USH2A: variants seen among roughly 807,000 people sequenced by gnomAD.
USH2A encodes the protein usherin, also known as Usher syndrome 2A (autosomal recessive, mild).
Under a neutral mutation model 538.9 loss-of-function variants are expected in USH2A, and 443 were observed. The ratio of observed to expected loss-of-function variants is 0.82; its 90% confidence interval spans 0.76 to 0.89. The LOEUF (loss-of-function observed/expected upper bound fraction) is 0.89, where lower values mean the gene tolerates loss of function less well. Ranked by LOEUF, USH2A falls within the 40% of genes least tolerant of loss-of-function variation. The probability of loss-of-function intolerance (pLI) is 0.00; values close to 1 mark genes in which losing one functional copy is unlikely to be tolerated. For synonymous variants in USH2A, 2,413 were observed against 2,273.5 expected (o/e 1.06, Z -1.75); for missense variants, 6,633 against 6,324.8 (o/e 1.05, Z -1.65).
rs574056130 is a variant in USH2A, at chr1:215,878,944, A to G, written c.8378T>C (p.Ile2793Thr). 2.1e-5 allele frequency: 34 copies of G among 1,614,098 alleles called. No homozygotes were observed. In the South Asian group the frequency reaches 3.3e-4, roughly 16 times the overall value. ...CCCATTACCCCCTGAGCAAGCAACA[A>G]TGGTGACAGAATAATTAGTGAAAGG... ...LIPFTNYSVT[I>T]VACSGGNGYL... The change falls in exon 42 of 72, where the codon ATT (isoleucine) becomes ACT (threonine). Residue 2793 changes from isoleucine (I) to threonine (T), a missense_variant. Coordinates refer to ENST00000307340, the MANE Select transcript of USH2A (RefSeq NM_206933.4).
At chr1:216,168,498 G>T (rs1241080144) in intron 21 of USH2A, among the ~76,000 whole-genome samples, 1 of 152,092 alleles carries the variant, frequency 6.6e-6, no homozygotes, top group Admixed American at 6.6e-5. Context: ...GCTGGGCAAA[G>T]GTTGACCTAA....
chr1:215,805,528 T>C (rs1662475338), intron 49 of USH2A, among the ~76,000 whole-genome samples: 1 of 152,040 alleles, frequency 6.6e-6, no homozygotes, highest in South Asian at 2.1e-4. Context: ...TGTACAACAA[T>C]GCAAATGCAC....
At chr1:215,842,562 C>T (rs544801633) in intron 46 of USH2A, among the ~76,000 whole-genome samples, 20 of 152,190 alleles carry the variant, frequency 1.3e-4, no homozygotes, top group Non-Finnish European at 2.8e-4. Flanking sequence ...TCAACCCAAA[C>T]GTCCATCAAT....
chr1:216,390,905 T>G (rs1252122245), intron 3 of USH2A, among the ~76,000 whole-genome samples: 1 of 152,194 alleles, frequency 6.6e-6, no homozygotes, highest in Non-Finnish European at 1.5e-5. Flanking sequence ...CAAGTTATTT[T>G]TATTAAAATA....
At chr1:215,821,953 G>A (rs992167448) in intron 47 of USH2A, among the ~76,000 whole-genome samples, 3 of 151,700 alleles carry the variant, frequency 2.0e-5, no homozygotes, top group African/African-American at 7.3e-5. Flanking sequence ...TTTATATCTG[G>A]GTTCTCTATT....
chr1:216,067,809 T>C (rs776259281), intron 30 of USH2A, among the ~76,000 whole-genome samples: 18 of 152,078 alleles, frequency 1.2e-4, no homozygotes, highest in Non-Finnish European at 2.2e-4. Context: ...AAACGCCTAT[T>C]GGATGCAGGC....
chr1:216,118,047 A>G (rs1378031331), intron 21 of USH2A, among the ~76,000 whole-genome samples: 1 of 152,098 alleles, frequency 6.6e-6, no homozygotes, highest in Non-Finnish European at 1.5e-5. Context: ...CCAAGCTTTC[A>G]AAAACTAGCT....
intron 69 of USH2A, among the ~76,000 whole-genome samples, chr1:215,636,727 A>G (rs1446141900): frequency 6.6e-6 from 1 of 151,642 alleles, no homozygotes; most frequent in Non-Finnish European, 1.5e-5. Flanking sequence ...GGTCTCTGCC[A>G]CTCTCCTGCT....
chr1:216,173,548 C>T (rs1158757150), intron 21 of USH2A, among the ~76,000 whole-genome samples: 1 of 152,140 alleles, frequency 6.6e-6, no homozygotes, highest in East Asian at 1.9e-4. Context: ...AAGGATCCTG[C>T]TTAGTGAGGC....
Position 215,988,139 on chromosome 1 carries a change from G to A in USH2A, c.6805+4881C>T, listed in dbSNP as rs184224065. 6.2e-4 allele frequency among the ~76,000 whole-genome samples: 94 copies of A among 151,410 alleles called. No homozygotes were observed. In the East Asian group the frequency reaches 0.015, roughly 24 times the overall value. On this transcript the variant is annotated intron_variant, in intron 35 of 71. Transcript: ENST00000307340. ...TGCAACAGAGTTGTAGAACTTTTTC[G>A]TCTTGGAAAACTGAAGCTCTAAACC...
At chr1:215,951,750 C>T (rs1558178543) in intron 37 of USH2A, among the ~76,000 whole-genome samples, 2 of 152,154 alleles carry the variant, frequency 1.3e-5, no homozygotes, top group African/African-American at 4.8e-5. Flanking sequence ...GTATTGGGTG[C>T]ATATATATGT....
At chr1:216,081,054 A>G (rs1262085627) in intron 26 of USH2A, among the ~76,000 whole-genome samples, 1 of 152,150 alleles carries the variant, frequency 6.6e-6, no homozygotes, top group Non-Finnish European at 1.5e-5. Flanking sequence ...GGAGAGCTCA[A>G]AACAAGTTCT....
At chr1:216,366,597 A>T (rs1240777887) in intron 3 of USH2A, among the ~76,000 whole-genome samples, 10 of 152,108 alleles carry the variant, frequency 6.6e-5, no homozygotes, top group Admixed American at 5.9e-4. Context: ...CCCCAAAAAA[A>T]CAAGCAAAAC....
At chr1:215,916,814 C>T (rs1268157072) in intron 38 of USH2A, among the ~76,000 whole-genome samples, 3 of 152,142 alleles carry the variant, frequency 2.0e-5, no homozygotes, top group African/African-American at 2.4e-5. Flanking sequence ...TAAAAGATTC[C>T]ACTTCACATT....
chr1:216,139,372 G>A (rs1214374858), intron 21 of USH2A, among the ~76,000 whole-genome samples: 2 of 150,414 alleles, frequency 1.3e-5, no homozygotes, highest in Non-Finnish European at 3.0e-5. Flanking sequence ...GGACCCTTGA[G>A]TCGCAGCTGA....
At chr1:215,763,768 A>G (rs1043165038) in intron 56 of USH2A, among the ~76,000 whole-genome samples, 1 of 152,140 alleles carries the variant, frequency 6.6e-6, no homozygotes, top group African/African-American at 2.4e-5. Context: ...AGAGGAAGGG[A>G]TCCTAGTTAG....
chr1:216,094,841 T>C (rs2032400727), intron 22 of USH2A, among the ~76,000 whole-genome samples: 1 of 152,144 alleles, frequency 6.6e-6, no homozygotes, highest in African/African-American at 2.4e-5. Context: ...TGTTGTGACT[T>C]GGGGAAAATT....
intron 43 of USH2A, among the ~76,000 whole-genome samples, chr1:215,873,219 G>A (rs1394693360): frequency 1.3e-5 from 2 of 152,246 alleles, no homozygotes; most frequent in East Asian, 3.9e-4. Context: ...GCATGGCTAT[G>A]AGATGGCATA....
chr1:215,900,898 A>G lies in USH2A; in HGVS notation c.7308T>C (p.Asp2436=). The G allele has an allele frequency of 6.2e-7, 1 of 1,613,504 alleles. No homozygotes were observed. The highest frequency in any genetic ancestry group is 1.1e-5 in the South Asian group (1 of 91,078). Residue 2436 remains aspartate, a synonymous_variant, in exon 39 of 72, where the codon GAT becomes GAC. Transcript: ENST00000307340. ...ATGAAAGCCTGGGAGGCAGCACGCC[A>G]TCTGGAGCTGTCGAAAAACACAGAT... ...ITIAMPPGAP[D]GVLPPRLSSA... is the part of the protein sequence containing the mutation.
Sources: allele counts gnomAD v4.1 joint callset (sites outside exome capture counted in the v4.1 genomes callset), GRCh38; gene constraint gnomAD v4.1.1; transcripts MANE v1.5; gene names NCBI Gene and HGNC (gene_info 2026-07-23, HGNC 2026-07-21).